Variants in AAMDC observed in about 807,000 individuals in gnomAD.
The protein encoded by AAMDC is mth938 domain-containing protein.
In AAMDC, 16 loss-of-function variants were observed where a neutral mutation model predicts 15.5. That is an observed-to-expected ratio of 1.03 (90% CI 0.70 to 1.57). AAMDC has a LOEUF of 1.57. Among genes scored for constraint, AAMDC ranks in the 40% most tolerant of loss-of-function variants. The pLI, the probability that AAMDC is intolerant of heterozygous loss-of-function variation, is 0.00. For missense variants in AAMDC, 141 were observed against 144.9 expected (o/e 0.97, Z 0.14); for synonymous variants, 51 against 51.6 (o/e 0.99, Z 0.05).
intron 1 of AAMDC, among the ~76,000 whole-genome samples, chr11:77,834,549 G>A (rs532093368): frequency 1.3e-5 from 2 of 150,604 alleles, no homozygotes; most frequent in East Asian, 2.0e-4. Context: ...TGAGTAGCTG[G>A]AATTACAAGT....
downstream of AAMDC, among the ~76,000 whole-genome samples, chr11:77,873,721 G>A (rs956576602): frequency 1.3e-5 from 2 of 152,172 alleles, no homozygotes; most frequent in African/African-American, 4.8e-5. Context: ...TATCCCACTA[G>A]GATGGAAGGA....
chr11:77,876,119 G>A (rs780239871), downstream of AAMDC, among the ~76,000 whole-genome samples: 5 of 152,038 alleles, frequency 3.3e-5, no homozygotes, highest in Non-Finnish European at 5.9e-5. Context: ...AAACATGAAG[G>A]AAGAGGAATC....
At chr11:77,849,806 A>T (rs552222063) in intron 2 of AAMDC, among the ~76,000 whole-genome samples, 1 of 152,224 alleles carries the variant, frequency 6.6e-6, no homozygotes, top group African/African-American at 2.4e-5. Flanking sequence ...TTCCTTCTGT[A>T]TCTGATGAAA....
downstream of AAMDC, among the ~76,000 whole-genome samples, chr11:77,874,555 C>T (rs954403622): frequency 4.6e-5 from 7 of 152,164 alleles, no homozygotes; most frequent in Non-Finnish European, 7.4e-5. Context: ...CCTGCTAATA[C>T]ATAGCCCCTA....
rs1438321943 is a variant in AAMDC, at chr11:77,891,229, C to T, written c.329-9342C>T. ...TTTCTTCTCCTGTCCCAGTTTCTGT[C>T]CCTCAAGTAGAGACTACAGGGGTGC... On this transcript the variant is annotated intron_variant, in intron 5 of 5. Coordinates refer to the AAMDC transcript ENST00000304716. 4.0e-6 allele frequency: 5 copies of T among 1,235,488 alleles called. No individual in the cohort carries two copies. In the South Asian group the frequency reaches 4.5e-5, roughly 11 times the overall value. 76.5% of individuals were successfully genotyped at this position (1,235,488 alleles called of 1,614,324 possible). A position where few individuals can be genotyped will look rare whatever the true frequency, so the allele number is the denominator to read the frequency against.
chr11:77,886,433 G>A lies in AAMDC; in HGVS notation c.328+9384G>A, dbSNP rs563446897. 5.3e-5 allele frequency among the ~76,000 whole-genome samples: 8 copies of A among 151,866 alleles called. No individual in the cohort carries two copies. In the East Asian group the frequency reaches 1.5e-3, roughly 29 times the overall value. ...TAGGCTTACAAGAGTTAATAATCGC[G>A]AAGGCCCGCGGCGGGTGTTGATGCC... On this transcript the variant is annotated intron_variant, in intron 5 of 5. Coordinates refer to the AAMDC transcript ENST00000304716.
At chr11:77,845,005 G>A (rs1950082718) in intron 2 of AAMDC, among the ~76,000 whole-genome samples, 1 of 152,082 alleles carries the variant, frequency 6.6e-6, no homozygotes, top group Admixed American at 6.6e-5. Context: ...CCTTGGACTT[G>A]TTGAGTTGCT....
chr11:77,869,416 A>T (rs1252738280), intron 2 of AAMDC, among the ~76,000 whole-genome samples: 1 of 149,424 alleles, frequency 6.7e-6, no homozygotes, highest in Non-Finnish European at 1.5e-5. Context: ...AGGCCCAAGC[A>T]ATCCTCCCAA....
chr11:77,899,676 A>G lies in AAMDC; in HGVS notation c.329-895A>G, dbSNP rs375461710. 4.0e-5 allele frequency among the ~76,000 whole-genome samples: 6 copies of G among 151,704 alleles called. No individual in the cohort carries two copies. The East Asian group carries it at 1.2e-3, about 29-fold the overall frequency. On this transcript the variant is annotated intron_variant, in intron 5 of 5. Transcript: ENST00000304716. ...CAAGAGCGAGACTTTGTCTAAAAGAAAAAAAAAAGAAAAATATAAAATATT... is the reference window on the plus strand; with the variant it reads ...CAAGAGCGAGACTTTGTCTAAAAGAGAAAAAAAAGAAAAATATAAAATATT...
chr11:77,840,758 T>G (rs1949897032), intron 1 of AAMDC, among the ~76,000 whole-genome samples: 1 of 152,080 alleles, frequency 6.6e-6, no homozygotes, highest in South Asian at 2.1e-4. Context: ...TTTTGTTTAT[T>G]TGCATGCCTT....
chr11:77,852,314 A>C (rs991203733), intron 2 of AAMDC, among the ~76,000 whole-genome samples: 1 of 151,814 alleles, frequency 6.6e-6, no homozygotes. Context: ...TAATGTTGTC[A>C]ATTTGACATA....
intron 1 of AAMDC, among the ~76,000 whole-genome samples, chr11:77,828,448 A>G (rs559713356): frequency 5.3e-5 from 8 of 152,246 alleles, no homozygotes; most frequent in Admixed American, 5.2e-4. Context: ...CAGATGGATC[A>G]CAAGGTCAGG....
chr11:77,901,555 T>G (rs114600355), downstream of AAMDC: 2,900 of 1,593,884 alleles, frequency 1.8e-3, 44 homozygotes, highest in African/African-American at 0.03. Flanking sequence ...CCATAATCTA[T>G]AAAGGAAAGA....
chr11:77,880,919 G>A (rs1193383003), intron 5 of AAMDC, among the ~76,000 whole-genome samples: 1 of 152,080 alleles, frequency 6.6e-6, no homozygotes, highest in African/African-American at 2.4e-5. Context: ...AGGAAACCCT[G>A]TCTCAAAACA....
intron 5 of AAMDC, among the ~76,000 whole-genome samples, chr11:77,900,220 C>T (rs944272291): frequency 2.6e-5 from 4 of 152,046 alleles, no homozygotes; most frequent in Non-Finnish European, 4.4e-5. Flanking sequence ...CTGCCTCAGC[C>T]TCCCGAGTAG....
intron 2 of AAMDC, among the ~76,000 whole-genome samples, chr11:77,850,045 G>A (rs1950309223): frequency 2.0e-5 from 3 of 152,172 alleles, no homozygotes. Flanking sequence ...TGCCAGTAAA[G>A]CAAGAACTCA....
chr11:77,891,941 T>C, intron 5 of AAMDC: 3 of 1,569,026 alleles, frequency 1.9e-6, no homozygotes, highest in South Asian at 1.2e-5. Context: ...GGAAGAATGA[T>C]GAAGTGAGAG....
chr11:77,832,991 GTGTGTGTA>G lies in AAMDC; in HGVS notation c.-18-9486_-18-9479del, dbSNP rs1432880117. 8.5e-4 allele frequency among the ~76,000 whole-genome samples: 28 copies of G among 32,846 alleles called. 3 individuals carry two copies. Among genetic ancestry groups the G allele is most frequent in the African/African-American group, 2.2e-3 (11 of 5,068 alleles). 21.5% of individuals were successfully genotyped at this position (32,846 alleles called of 152,430 possible). ...TGTGTGTGTGTGTGTGTGTGTGTGTGTGTGTGTATATATATATATTTTTTTTTTTTTTT... is the reference window on the plus strand; with the variant it reads ...TGTGTGTGTGTGTGTGTGTGTGTGTGTATATATATATTTTTTTTTTTTTTT... On this transcript the variant is annotated intron_variant, in intron 1 of 3. Transcript: ENST00000393427.
At chr11:77,890,397 T>C (rs1234731762) in intron 5 of AAMDC, among the ~76,000 whole-genome samples, 1 of 152,118 alleles carries the variant, frequency 6.6e-6, no homozygotes, top group Non-Finnish European at 1.5e-5. Context: ...CTGCCAGTGC[T>C]TGCATCCCTG....
Sources: gnomAD v4.1 joint callset for allele counts (sites outside exome capture counted in the v4.1 genomes callset) on GRCh38, gnomAD v4.1.1 for gene constraint, MANE v1.5 for transcripts, NCBI Gene and HGNC (gene_info 2026-07-23, HGNC 2026-07-21) for gene names.